NTN4: variants seen among roughly 807,000 people sequenced by gnomAD.
The protein encoded by NTN4 is netrin-4.
In NTN4, 32 loss-of-function variants were observed where a neutral mutation model predicts 73.6. The ratio of observed to expected loss-of-function variants is 0.44; its 90% CI spans 0.33 to 0.58. The LOEUF (loss-of-function observed/expected upper bound fraction) is 0.58. NTN4 is among the 20% of genes least tolerant of loss of function. The pLI is 0.04. For missense variants in NTN4, 654 were observed against 798.3 expected, an observed-to-expected ratio of 0.82 and a Z score of 2.18; for synonymous variants, 258 against 287.5, an observed-to-expected ratio of 0.90 and a Z score of 1.04.
chr12:95,717,625 T>A (rs752397248), intron 3 of NTN4, among the ~76,000 whole-genome samples: 1 of 150,216 alleles, frequency 6.7e-6, no homozygotes, highest in Non-Finnish European at 1.5e-5. Flanking sequence ...CACTATTTGA[T>A]GCTCGTGAAA....
chr12:95,699,957 G>A (rs752632465), intron 5 of NTN4, among the ~76,000 whole-genome samples: 5 of 151,976 alleles, frequency 3.3e-5, no homozygotes, highest in African/African-American at 1.2e-4. Context: ...ATGTGTCTTG[G>A]CATAAAAGTC....
At chr12:95,723,573 T>A (rs1041816036) in intron 3 of NTN4, among the ~76,000 whole-genome samples, 5 of 152,186 alleles carry the variant, frequency 3.3e-5, no homozygotes, top group African/African-American at 1.2e-4. Context: ...TGGAGTACAG[T>A]GGCACTATCT....
At chr12:95,774,006 C>T (rs1217154548) in intron 2 of NTN4, among the ~76,000 whole-genome samples, 1 of 152,112 alleles carries the variant, frequency 6.6e-6, no homozygotes, top group Non-Finnish European at 1.5e-5. Context: ...TCTTGGATAA[C>T]ACTAAGTGCA....
chr12:95,736,077 T>C (rs968555100), intron 3 of NTN4, among the ~76,000 whole-genome samples: 7 of 151,938 alleles, frequency 4.6e-5, no homozygotes, highest in African/African-American at 1.7e-4. Context: ...CAGCAGGGAA[T>C]ACAGGCGCCC....
chr12:95,676,719 T>TA lies in NTN4; in HGVS notation c.1510+5987dup, dbSNP rs2078276349. 3.7e-5 allele frequency among the ~76,000 whole-genome samples: 5 copies of TA among 135,364 alleles called. No homozygotes were observed. In the East Asian group the frequency reaches 1.1e-3, roughly 31 times the overall value. The allele number at this position is 135,364 out of a possible 152,430, so 88.8% of individuals were successfully genotyped here. A position where few individuals can be genotyped will look rare whatever the true frequency, so the allele number is the denominator to read the frequency against. On this transcript the variant is annotated intron_variant, in intron 7 of 9. Transcript: ENST00000343702. ...AGAAAACATAAAAAAAAAATAAAGATAAGAGCAGAATTAGTGAAATAAAGA... is the reference window on the plus strand; with the variant it reads ...AGAAAACATAAAAAAAAAATAAAGATAAAGAGCAGAATTAGTGAAATAAAGA...
chr12:95,658,989 A>G lies in NTN4; in HGVS notation c.*97T>C. On this transcript the variant is annotated 3_prime_UTR_variant, in exon 10 of 10. Transcript: ENST00000343702. The stretch of plus-strand genomic sequence containing the variant: ...TTCAAACATTTCTATATGTTTTGGC[A>G]CTTTAAAAAATTCCAGTTTCCTGTC... 8.6e-7 allele frequency: 1 copy of G among 1,162,066 alleles called. No individual in the cohort carries two copies. Among genetic ancestry groups the G allele is most frequent in the African/African-American group, 1.5e-5 (1 of 64,922 alleles). 72.0% of individuals were successfully genotyped at this position (1,162,066 alleles called of 1,614,324 possible).
At chr12:95,776,653 G>A (rs2079094840) in intron 2 of NTN4, among the ~76,000 whole-genome samples, 1 of 152,122 alleles carries the variant, frequency 6.6e-6, no homozygotes, top group Admixed American at 6.5e-5. Flanking sequence ...AAGAAATATG[G>A]GACTATGTGA....
intron 2 of NTN4, among the ~76,000 whole-genome samples, chr12:95,768,194 T>C (rs4237912): frequency 0.85 from 129,514 of 152,056 alleles, 55,165 homozygotes; most frequent in South Asian, 0.91. Flanking sequence ...TTAGGGAGCT[T>C]GCTAAAGAAT....
At chr12:95,761,570 C>T (rs2078988179) in intron 2 of NTN4, among the ~76,000 whole-genome samples, 2 of 152,078 alleles carry the variant, frequency 1.3e-5, no homozygotes, top group African/African-American at 2.4e-5. Context: ...TGACCTGAAG[C>T]GATCTGCCCA....
At chr12:95,672,907 GA>G (rs2078244563) in intron 7 of NTN4, 1 of 1,246,536 alleles carries the variant, frequency 8.0e-7, no homozygotes, top group Admixed American at 1.7e-5. Context: ...AGGTCTCTCT[GA>G]AGAGGCTATC....
At chr12:95,682,057 C>CTTTGTTTTTTTTTT (rs2078320437) in intron 7 of NTN4, among the ~76,000 whole-genome samples, 1 of 64,546 alleles carries the variant, frequency 1.5e-5, no homozygotes, top group Non-Finnish European at 2.6e-5. Flanking sequence ...ATTCAGTAGG[C>CTTTGTTTTTTTTTT]TTTTTTTTTT....
intron 2 of NTN4, among the ~76,000 whole-genome samples, chr12:95,755,259 C>T (rs1233635921): frequency 6.6e-6 from 1 of 152,206 alleles, no homozygotes; most frequent in African/African-American, 2.4e-5. Flanking sequence ...ACCCAAAGAG[C>T]ATACATTCTG....
intron 5 of NTN4, among the ~76,000 whole-genome samples, chr12:95,695,061 A>G (rs4762239): frequency 0.89 from 134,425 of 151,476 alleles, 59,962 homozygotes; most frequent in East Asian, 1. Flanking sequence ...CTGGGAGGTG[A>G]AGGTTGCAGT....
chr12:95,708,702 C>A (rs2078540003), intron 5 of NTN4, among the ~76,000 whole-genome samples: 1 of 152,188 alleles, frequency 6.6e-6, no homozygotes, highest in Non-Finnish European at 1.5e-5. Flanking sequence ...AGCCACCCCA[C>A]CTGGCGTAGT....
At chr12:95,668,034 C>T (rs1416091465) in intron 8 of NTN4, among the ~76,000 whole-genome samples, 4 of 151,910 alleles carry the variant, frequency 2.6e-5, no homozygotes, top group Non-Finnish European at 1.5e-5. Flanking sequence ...AGTAAATGTT[C>T]GCTATTATTA....
chr12:95,659,028 C>T lies in NTN4; in HGVS notation c.*58G>A. ...CAGTTTCCTGTCTGAGGTCTTCTTG[C>T]TCTAAAGTTTGTGTTTTGTACATAG... On this transcript the variant is annotated 3_prime_UTR_variant, in exon 10 of 10. Coordinates refer to ENST00000343702, the MANE Select transcript of NTN4 (RefSeq NM_021229.4). 2.0e-6 allele frequency: 3 copies of T among 1,510,100 alleles called. No individual in the cohort carries two copies. The highest frequency in any genetic ancestry group is 2.7e-6 in the Non-Finnish European group (3 of 1,129,700). 93.5% of individuals were successfully genotyped at this position (1,510,100 alleles called of 1,614,324 possible).
intron 7 of NTN4, among the ~76,000 whole-genome samples, chr12:95,676,076 T>A (rs945450206): frequency 6.6e-6 from 1 of 152,144 alleles, no homozygotes; most frequent in African/African-American, 2.4e-5. Context: ...GAAATTAGAT[T>A]AGAGATAATC....
At chr12:95,698,290 C>T (rs767320448) in intron 5 of NTN4, among the ~76,000 whole-genome samples, 10 of 152,164 alleles carry the variant, frequency 6.6e-5, no homozygotes, top group Non-Finnish European at 1.5e-4. Flanking sequence ...TTACCTACCA[C>T]GAGGTCTGGT....
At chr12:95,672,347 A>T in intron 7 of NTN4, 1 of 802,408 alleles carries the variant, frequency 1.2e-6, no homozygotes, top group East Asian at 2.4e-5. Flanking sequence ...TGGAGAGTGC[A>T]TGGAACCTGG....
Sources: gnomAD v4.1 joint callset for allele counts (sites outside exome capture counted in the v4.1 genomes callset) on GRCh38, gnomAD v4.1.1 for gene constraint, MANE v1.5 for transcripts, NCBI Gene and HGNC (gene_info 2026-07-23, HGNC 2026-07-21) for gene names.